The following LRRC41 variants were observed in gnomAD, a reference collection of about 807,000 sequenced individuals.
LRRC41 encodes leucine rich repeat containing 41.
In LRRC41, 17 loss-of-function variants were observed where a neutral mutation model predicts 72.1. The ratio of observed to expected loss-of-function variants is 0.24; its 90% CI spans 0.16 to 0.35. The LOEUF (loss-of-function observed/expected upper bound fraction) is 0.35, where lower values mean the gene tolerates loss of function less well. Among genes scored for constraint, LRRC41 ranks in the 10% least tolerant of loss-of-function variants. The probability of loss-of-function intolerance (pLI) is 1.00; values close to 1 mark genes in which losing one functional copy is unlikely to be tolerated. For synonymous variants in LRRC41, 427 were observed against 431.0 expected, an observed-to-expected ratio of 0.99 and a Z score of 0.11; for missense variants, 759 against 1,065.0, an observed-to-expected ratio of 0.71 and a Z score of 4.00.
chr1:46,279,489 C>A lies in LRRC41; in HGVS notation c.2143+3G>T. 6.2e-7 allele frequency: 1 copy of A among 1,614,244 alleles called. No individual in the cohort carries two copies. The highest frequency in any genetic ancestry group is 8.5e-7 in the Non-Finnish European group (1 of 1,180,044). ...CTCTCCCTCCCCAGGGTCTGGCCCC[C>A]ACCCAGGCGGTTCCCTGGCAGCCGG... On this transcript the variant is annotated splice_donor_region_variant and intron_variant, in intron 8 of 9. Coordinates refer to ENST00000617190, the MANE Select transcript of LRRC41 (RefSeq NM_006369.5). This position sits in a 1 kb window ranked among gnomAD's most constrained non-coding sequence, Gnocchi z 4.5.
rs79919468 is a variant in LRRC41 at position 46,290,300 on chromosome 1, T to C, written c.358-3801A>G. Among the ~76,000 whole-genome samples the C allele has an allele frequency of 5.5e-4, 84 of 152,224 alleles. 1 individual carries two copies. The East Asian group carries it at 0.014, about 25-fold the overall frequency. On this transcript the variant is annotated intron_variant, in intron 3 of 9. Transcript: ENST00000617190. Reference sequence around the variant, plus strand: ...TGGTGCATGCCTGTAATCCAGCTACTTGGGAGGCTGAGGTGGGAGGATCGC... The same window carrying C: ...TGGTGCATGCCTGTAATCCAGCTACCTGGGAGGCTGAGGTGGGAGGATCGC...
rs1437532914 is a variant in LRRC41 at position 46,278,614 on chromosome 1, G to A, written c.*251C>T. 1.6e-5 allele frequency: 10 copies of A among 606,850 alleles called. No individual in the cohort carries two copies. Among genetic ancestry groups the A allele is most frequent in the Admixed American group, 3.0e-5 (1 of 33,708 alleles). 37.6% of individuals were successfully genotyped at this position (606,850 alleles called of 1,614,324 possible). On this transcript the variant is annotated 3_prime_UTR_variant, in exon 10 of 10. Coordinates refer to ENST00000617190, the MANE Select transcript of LRRC41 (RefSeq NM_006369.5). ...CTCTTCAGCAATTATGATGACCACTGTAACCTCCTGGCCCAGGGTTCCCAG... is the reference window on the plus strand; with the variant it reads ...CTCTTCAGCAATTATGATGACCACTATAACCTCCTGGCCCAGGGTTCCCAG...
Position 46,302,716 on chromosome 1 carries a change from C to T in LRRC41, c.199+408G>A, listed in dbSNP as rs1399827762. On this transcript the variant is annotated intron_variant, in intron 1 of 9. Coordinates refer to ENST00000617190, the MANE Select transcript of LRRC41 (RefSeq NM_006369.5). The surrounding 1 kb of genome is among the most constrained non-coding windows in gnomAD (Gnocchi z 4.7). Reference sequence around the variant, plus strand: ...CCTGGCCTTGCCTTAGGCCGGGCCTCCTAACCTCGGCCCCTGCCCTAGGGC... The same window carrying T: ...CCTGGCCTTGCCTTAGGCCGGGCCTTCTAACCTCGGCCCCTGCCCTAGGGC... 2 of 985,178 alleles carry T rather than the reference C, an allele frequency of 2.0e-6. No homozygotes were observed. The highest frequency in any genetic ancestry group is 1.7e-5 in the African/African-American group (1 of 57,232). 61.0% of individuals were successfully genotyped at this position (985,178 alleles called of 1,614,324 possible). A position where few individuals can be genotyped will look rare whatever the true frequency, so the allele number is the denominator to read the frequency against.
chr1:46,301,877 T>A, intron 1 of LRRC41: 11 of 799,108 alleles, frequency 1.4e-5, no homozygotes, highest in African/African-American at 1.9e-5. Flanking sequence ...TTCGCCCAAC[T>A]CCAACCCCGG....
chr1:46,278,872 G>C lies in LRRC41; in HGVS notation c.2432C>G (p.Thr811Ser). ...SSQAFADYVSTM is the reference protein window; with the variant it reads ...SSQAFADYVSSM ...TGTGAGGTACGGGCCCCATCACATG[G>C]TGCTAACATAATCTGCGAAGGCCTG... is the stretch of plus-strand genomic sequence containing the variant. The change falls in exon 10 of 10, where the codon ACC becomes AGC. Residue 811 changes from threonine (T) to serine (S), a missense_variant. By Grantham distance (58) the Thr-to-Ser change is moderately conservative. Coordinates refer to ENST00000617190, the MANE Select transcript of LRRC41 (RefSeq NM_006369.5). 6.2e-7 allele frequency: 1 copy of C among 1,609,808 alleles called. No homozygotes were observed. Among genetic ancestry groups the C allele is most frequent in the Non-Finnish European group, 8.5e-7 (1 of 1,178,964 alleles).
In LRRC41 at chr1:46,303,545, A is replaced by C. The variant is rs1440654442; in HGVS notation, c.-223T>G. On this transcript the variant is annotated 5_prime_UTR_variant, in exon 1 of 10. Transcript: ENST00000617190. ...TGGTATGACTAAGGGGATGTTTCTTAGCAAAGCCTCCTCGGGTGCAAACAT... is the reference window on the plus strand; with the variant it reads ...TGGTATGACTAAGGGGATGTTTCTTCGCAAAGCCTCCTCGGGTGCAAACAT... The C allele has an allele frequency of 2.2e-5, 17 of 771,154 alleles. No homozygotes were observed. Among genetic ancestry groups the C allele is most frequent in the Middle Eastern group, 3.8e-4 (1 of 2,638 alleles). 47.8% of individuals were successfully genotyped at this position (771,154 alleles called of 1,614,324 possible).
In LRRC41 at chr1:46,286,335, C is replaced by A. The variant is rs1474496841; in HGVS notation, c.522G>T (p.Gln174His). 2 of 1,614,232 alleles carry A rather than the reference C, an allele frequency of 1.2e-6. No homozygotes were observed. Among genetic ancestry groups the A allele is most frequent in the African/African-American group, 1.3e-5 (1 of 75,058 alleles). ...GCTCAGCCACCAGCTCGGTTGCACC[C>A]TGCAGCATGTTACAGATGGTGAGCT... ...VRQLTICNML[Q>H]GATELVAEPN... Residue 174 changes from glutamine (Q) to histidine (H), a missense_variant, in exon 4 of 10, where the codon CAG (glutamine) becomes CAT (histidine). Physicochemically the swap from Gln to His is conservative, Grantham distance 24 (BLOSUM62 0). Transcript: ENST00000617190. This position sits in a 1 kb window ranked among gnomAD's most constrained non-coding sequence, Gnocchi z 5.5.
chr1:46,285,154 CCCTGCTTTCAACAA>C lies in LRRC41; in HGVS notation c.1495+194_1495+207del. 1.7e-6 allele frequency: 1 copy of C among 595,154 alleles called. No homozygotes were observed. The highest frequency in any genetic ancestry group is 2.8e-5 in the East Asian group (1 of 35,346). The allele number at this position is 595,154 out of a possible 1,614,324, so 36.9% of individuals were successfully genotyped here. A position where few individuals can be genotyped will look rare whatever the true frequency, so the allele number is the denominator to read the frequency against. ...GCTTGTCTCACTGCCCCTCAGGAAC[CCCTGCTTTCAACAA>C]CTAATCAAGTGTATAGACTTTATGT... is the stretch of plus-strand genomic sequence containing the variant. On this transcript the variant is annotated intron_variant, in intron 4 of 9. Transcript: ENST00000617190. The surrounding 1 kb of genome is among the most constrained non-coding windows in gnomAD (Gnocchi z 5.3).
chr1:46,279,685 G>A lies in LRRC41; in HGVS notation c.2021-71C>T. On this transcript the variant is annotated intron_variant, in intron 7 of 9. Transcript: ENST00000617190. This position sits in a 1 kb window ranked among gnomAD's most constrained non-coding sequence, Gnocchi z 4.5. ...GGTGCTGCCCCTCCTGCCCCAGTTG[G>A]CCCTAGCAAGGGGTATTAACATTAT... 1.3e-6 allele frequency: 2 copies of A among 1,590,802 alleles called. No homozygotes were observed. The highest frequency in any genetic ancestry group is 8.6e-7 in the Non-Finnish European group (1 of 1,162,626).
At position 46,285,470 on chromosome 1, in the gene LRRC41, A is replaced by T. The variant is rs200339874; in HGVS notation, c.1387T>A (p.Ser463Thr). The change falls in exon 4 of 10, where the codon TCC becomes ACC. Residue 463 changes from serine to threonine, a missense_variant. Physicochemically the swap from Ser to Thr is moderately conservative, Grantham distance 58 (BLOSUM62 1). Coordinates refer to ENST00000617190, the MANE Select transcript of LRRC41 (RefSeq NM_006369.5). This position sits in a 1 kb window ranked among gnomAD's most constrained non-coding sequence, Gnocchi z 5.3. Reference sequence around the variant, plus strand: ...GGAACTGTGAATAGCTCCAAGGTGGAGATGCTGCGGAATCTTTGTGAAGCT... The same window carrying T: ...GGAACTGTGAATAGCTCCAAGGTGGTGATGCTGCGGAATCTTTGTGAAGCT... ...LEASQRFRSI[S>T]TLELFTVPLS... 6.2e-7 allele frequency: 1 copy of T among 1,614,046 alleles called. No individual in the cohort carries two copies. The highest frequency in any genetic ancestry group is 8.5e-7 in the Non-Finnish European group (1 of 1,180,044).
chr1:46,278,772 A>AGAT lies in LRRC41; in HGVS notation c.*90_*92dup, dbSNP rs1660700970. The AGAT allele has an allele frequency of 8.1e-7, 1 of 1,227,576 alleles. No individual in the cohort carries two copies. The highest frequency in any genetic ancestry group is 1.5e-5 in the African/African-American group (1 of 66,582). The allele number at this position is 1,227,576 out of a possible 1,614,324, so 76.0% of individuals were successfully genotyped here. A position where few individuals can be genotyped will look rare whatever the true frequency, so the allele number is the denominator to read the frequency against. On this transcript the variant is annotated 3_prime_UTR_variant, in exon 10 of 10. Transcript: ENST00000617190. ...GAGAAAAAAGGTGACAGAAAGAGAA[A>AGAT]GATAGAACTGGTGGTTGGGGTTCTG...
Position 46,279,441 on chromosome 1 carries a change from G to A in LRRC41, c.2143+51C>T, listed in dbSNP as rs376757082. 8 of 1,613,866 alleles carry A rather than the reference G, an allele frequency of 5.0e-6. No individual in the cohort carries two copies. In the African/African-American group the frequency reaches 9.3e-5, roughly 19 times the overall value. On this transcript the variant is annotated intron_variant, in intron 8 of 9. Coordinates refer to ENST00000617190, the MANE Select transcript of LRRC41 (RefSeq NM_006369.5). The surrounding 1 kb of genome is among the most constrained non-coding windows in gnomAD (Gnocchi z 4.5). ...TTGCCTTTATCCAGTGAGTTTTTAG[G>A]TCAAAGGCCTAGCTCCTTTCCCCTC...
intron 3 of LRRC41, among the ~76,000 whole-genome samples, chr1:46,294,156 C>G (rs541337193): frequency 1.3e-5 from 2 of 152,180 alleles, no homozygotes; most frequent in African/African-American, 4.8e-5. Context: ...GCTCTATTGC[C>G]CAGGCTGGAG....
rs1043036817 is a variant in LRRC41 at position 46,280,298 on chromosome 1, G to A, written c.1922-8C>T. 4.5e-5 allele frequency: 73 copies of A among 1,612,748 alleles called. No homozygotes were observed. The highest frequency in any genetic ancestry group is 1.6e-4 in the Middle Eastern group (1 of 6,080). ...TCAGGGCTAGGTTGTACTCTGGATA[G>A]GAGGCAGAGACCATGGACCATGGAC... On this transcript the variant is annotated splice_region_variant and splice_polypyrimidine_tract_variant and intron_variant, in intron 6 of 9. Coordinates refer to ENST00000617190, the MANE Select transcript of LRRC41 (RefSeq NM_006369.5).
In LRRC41 at chr1:46,278,775, T is replaced by A; in HGVS notation, c.*90A>T. 1 of 1,245,120 alleles carries A rather than the reference T, an allele frequency of 8.0e-7. No homozygotes were observed. The highest frequency in any genetic ancestry group is 1.2e-5 in the South Asian group (1 of 80,430). 77.1% of individuals were successfully genotyped at this position (1,245,120 alleles called of 1,614,324 possible). A position where few individuals can be genotyped will look rare whatever the true frequency, so the allele number is the denominator to read the frequency against. On this transcript the variant is annotated 3_prime_UTR_variant, in exon 10 of 10. Coordinates refer to ENST00000617190, the MANE Select transcript of LRRC41 (RefSeq NM_006369.5). ...AAAAAAGGTGACAGAAAGAGAAAGATAGAACTGGTGGTTGGGGTTCTGGGC... is the reference window on the plus strand; with the variant it reads ...AAAAAAGGTGACAGAAAGAGAAAGAAAGAACTGGTGGTTGGGGTTCTGGGC...
At chr1:46,290,589 G>C (rs1402936836) in intron 3 of LRRC41, among the ~76,000 whole-genome samples, 1 of 149,626 alleles carries the variant, frequency 6.7e-6, no homozygotes, top group Non-Finnish European at 1.5e-5. Context: ...AATACTTGCT[G>C]TATTTAATAT....
chr1:46,303,287 G>T lies in LRRC41; in HGVS notation c.36C>A (p.Cys12Ter). 3 of 1,540,886 alleles carry T rather than the reference G, an allele frequency of 1.9e-6. No homozygotes were observed. The highest frequency in any genetic ancestry group is 1.7e-6 in the Non-Finnish European group (2 of 1,144,202). ...AAPEAWRARS[C>*]WFCEVAAATT... ...TTGCCGCCGCTACCTCACAGAACCA[G>T]CAACTCCGGGCGCGCCAGGCCTCGG... The change falls in exon 1 of 10, where the codon TGC becomes TGA. Residue 12 changes from cysteine (C) to a stop codon, truncating the protein, a stop_gained. Transcript: ENST00000617190. LOFTEE classifies it high-confidence loss of function.
chr1:46,297,445 C>T, intron 3 of LRRC41, 118 bp downstream of exon 3: 1 of 786,106 alleles, frequency 1.3e-6, no homozygotes. Context: ...GAGCCCTCCT[C>T]CCAAATCCAT....
intron 3 of LRRC41, chr1:46,297,161 T>C (rs928662510): frequency 6.1e-6 from 1 of 164,744 alleles, no homozygotes; most frequent in African/African-American, 2.4e-5. Flanking sequence ...TTAATCTTTT[T>C]TATACAAGCT....
Sources: allele counts gnomAD v4.1 joint callset (sites outside exome capture counted in the v4.1 genomes callset), GRCh38; gene constraint gnomAD v4.1.1; non-coding constraint Gnocchi (gnomAD v3.1); transcripts MANE v1.5; gene names NCBI Gene and HGNC (gene_info 2026-07-23, HGNC 2026-07-21).